Variants in PTGR1 observed in about 807,000 individuals in gnomAD.
PTGR1 encodes 15-oxoprostaglandin 13-reductase.
Under a neutral mutation model 37.7 loss-of-function variants are expected in PTGR1, and 23 were observed. That is an observed-to-expected ratio of 0.61 (90% CI 0.44 to 0.86). The LOEUF is 0.86. PTGR1 is among the 40% of genes least tolerant of loss of function. The probability of loss-of-function intolerance (pLI) is 0.00; values close to 1 mark genes in which losing one functional copy is unlikely to be tolerated. For missense variants in PTGR1, 351 were observed against 394.3 expected (o/e 0.89, Z 0.93); for synonymous variants, 134 against 140.0 (o/e 0.96, Z 0.30).
intron 6 of PTGR1, among the ~76,000 whole-genome samples, chr9:111,581,770 C>T (rs2132404136): frequency 6.6e-6 from 1 of 152,188 alleles, no homozygotes; most frequent in Non-Finnish European, 1.5e-5. Context: ...AGCACTGCAC[C>T]TGGCAGGTCC....
intron 9 of PTGR1, among the ~76,000 whole-genome samples, chr9:111,555,354 C>T (rs75868535): frequency 0.043 from 6,611 of 152,244 alleles, 193 homozygotes; most frequent in Non-Finnish European, 0.066. Context: ...GATTTTCTCC[C>T]TACTTCCAGA....
chr9:111,584,226 G>A (rs377449465), intron 5 of PTGR1, among the ~76,000 whole-genome samples: 1 of 152,208 alleles, frequency 6.6e-6, no homozygotes, highest in East Asian at 1.9e-4. Flanking sequence ...TTGCGAGTTT[G>A]GAAGGTGATA....
chr9:111,563,245 A>AC lies in PTGR1; in HGVS notation c.880-15dup, dbSNP rs572132337. ...CTGGATTTTACCCTGTATCAAAGCA[A>AC]CAACAAATTTTAAAACTTAATTTAA... On this transcript the variant is annotated splice_polypyrimidine_tract_variant and intron_variant, in intron 9 of 9. Transcript: ENST00000407693. 8.0e-5 allele frequency: 128 copies of AC among 1,605,444 alleles called. No individual in the cohort carries two copies. In the African/African-American group the frequency reaches 1.5e-3, roughly 18 times the overall value.
intron 6 of PTGR1, among the ~76,000 whole-genome samples, chr9:111,582,774 G>A (rs944907627): frequency 2.6e-5 from 4 of 152,152 alleles, no homozygotes; most frequent in Admixed American, 6.6e-5. Flanking sequence ...ACCCTTGGCC[G>A]TTGGTTGTAA....
chr9:111,579,512 A>G (rs1418779229), intron 6 of PTGR1, among the ~76,000 whole-genome samples: 1 of 152,060 alleles, frequency 6.6e-6, no homozygotes, highest in Non-Finnish European at 1.5e-5. Context: ...CTCCCACCTC[A>G]GCCTCCTAAG....
downstream of PTGR1, among the ~76,000 whole-genome samples, chr9:111,562,164 C>T (rs1000331823): frequency 2.6e-5 from 4 of 152,074 alleles, no homozygotes; most frequent in East Asian, 5.8e-4. Flanking sequence ...TGAGCCACCG[C>T]GCCCGGCCTA....
At chr9:111,552,008 T>A (rs1034799047) in intron 9 of PTGR1, among the ~76,000 whole-genome samples, 2 of 152,244 alleles carry the variant, frequency 1.3e-5, no homozygotes, top group Non-Finnish European at 1.5e-5. Flanking sequence ...TTATGAAATG[T>A]TTCTATTGTA....
At chr9:111,580,260 C>T (rs913560593) in intron 6 of PTGR1, among the ~76,000 whole-genome samples, 1 of 152,170 alleles carries the variant, frequency 6.6e-6, no homozygotes, top group Non-Finnish European at 1.5e-5. Context: ...TCCTGTAGGT[C>T]CCTCATAAAT....
At chr9:111,590,208 T>C (rs1484473962) in intron 4 of PTGR1, among the ~76,000 whole-genome samples, 2 of 152,100 alleles carry the variant, frequency 1.3e-5, no homozygotes. Context: ...AATTGAGAAT[T>C]AACTTACAAA....
At chr9:111,555,146 G>A (rs973888769) in intron 9 of PTGR1, among the ~76,000 whole-genome samples, 1 of 152,010 alleles carries the variant, frequency 6.6e-6, no homozygotes, top group Admixed American at 6.6e-5. Flanking sequence ...CCTGTTTTTA[G>A]TCTTCTATCT....
intron 6 of PTGR1, among the ~76,000 whole-genome samples, chr9:111,580,255 T>C (rs1162854131): frequency 6.6e-6 from 1 of 152,206 alleles, no homozygotes; most frequent in Non-Finnish European, 1.5e-5. Context: ...GGATGTCCTG[T>C]AGGTCCCTCA....
intron 9 of PTGR1, among the ~76,000 whole-genome samples, chr9:111,566,842 T>C (rs1345597042): frequency 1.3e-5 from 2 of 152,126 alleles, no homozygotes; most frequent in African/African-American, 2.4e-5. Flanking sequence ...AATTATAGTA[T>C]ATATTATGTT....
At chr9:111,569,440 A>G (rs971517581) in intron 9 of PTGR1, among the ~76,000 whole-genome samples, 9 of 152,212 alleles carry the variant, frequency 5.9e-5, no homozygotes, top group African/African-American at 2.2e-4. Context: ...GCTAAGAATC[A>G]ACCAGTGGAT....
chr9:111,576,301 C>A, intron 7 of PTGR1: 1 of 1,575,084 alleles, frequency 6.3e-7, no homozygotes, highest in Non-Finnish European at 8.7e-7. Flanking sequence ...TTGTAAACTA[C>A]TTGCTAAAAT....
At chr9:111,596,903 G>A (rs1829797505) in intron 2 of PTGR1, among the ~76,000 whole-genome samples, 1 of 135,056 alleles carries the variant, frequency 7.4e-6, no homozygotes, top group Non-Finnish European at 1.5e-5. Flanking sequence ...CTCCAACCTG[G>A]GCAACAGAGC....
At chr9:111,598,239 C>A (rs1829841470) in intron 1 of PTGR1, among the ~76,000 whole-genome samples, 1 of 152,136 alleles carries the variant, frequency 6.6e-6, no homozygotes, top group African/African-American at 2.4e-5. Flanking sequence ...TGAAGGCTGC[C>A]CCGAGCTGGG....
chr9:111,557,420 C>T (rs1016180534), intron 9 of PTGR1, among the ~76,000 whole-genome samples: 9 of 147,366 alleles, frequency 6.1e-5, no homozygotes, highest in Admixed American at 4.8e-4. Context: ...GGTACCATGC[C>T]GTTGAACAGG....
At chr9:111,574,614 A>AG in intron 8 of PTGR1, 120 bp downstream of exon 8, 12 of 702,906 alleles carry the variant, frequency 1.7e-5, no homozygotes, top group South Asian at 4.7e-5. Flanking sequence ...TAAAAAAAAA[A>AG]AAAAAAGAAT....
chr9:111,571,047 T>A (rs72748040), intron 8 of PTGR1, among the ~76,000 whole-genome samples: 3,482 of 132,916 alleles, frequency 0.026, 258 homozygotes, highest in South Asian at 0.042. Flanking sequence ...AGGAAGCAGA[T>A]TCTCCTCTAG....
Sources: allele counts gnomAD v4.1 joint callset (sites outside exome capture counted in the v4.1 genomes callset), GRCh38; gene constraint gnomAD v4.1.1; transcripts MANE v1.5; gene names NCBI Gene and HGNC (gene_info 2026-07-23, HGNC 2026-07-21).